The following PLA2R1 variants were observed in gnomAD, a reference collection of about 807,000 sequenced individuals.
PLA2R1 encodes the protein phospholipase A2 receptor 1.
PLA2R1 carries 158 observed loss-of-function variants against 195.9 expected under a neutral mutation model. The ratio of observed to expected loss-of-function variants is 0.81; its 90% CI spans 0.71 to 0.92. The LOEUF is 0.92. Ranked by LOEUF, PLA2R1 falls within the 40% of genes least tolerant of loss-of-function variation. The pLI is 0.00. For synonymous variants in PLA2R1, 586 were observed against 598.2 expected (o/e 0.98, Z 0.30); for missense variants, 1,626 against 1,764.6 (o/e 0.92, Z 1.41).
Position 160,028,035 on chromosome 2 carries a change from T to C in PLA2R1, c.1099+183A>G, listed in dbSNP as rs534106842. ...GTTTTTAGTATAAACCTAAATGCAT[T>C]TGTTAAAATCACAGTCCCTTTGACA... On this transcript the variant is annotated intron_variant, in intron 6 of 29. Transcript: ENST00000283243. Among the ~76,000 whole-genome samples the C allele has an allele frequency of 2.0e-4, 30 of 152,340 alleles. No homozygotes were observed. In the South Asian group the frequency reaches 6.2e-3, roughly 32 times the overall value.
intron 25 of PLA2R1, 74 bp from the exon 26 acceptor site, chr2:159,947,633 T>A: frequency 7.6e-7 from 1 of 1,321,952 alleles, no homozygotes; most frequent in South Asian, 1.3e-5. Flanking sequence ...TACATTACAT[T>A]CTATAAAAGA....
intron 1 of PLA2R1, among the ~76,000 whole-genome samples, chr2:160,057,005 C>G (rs1450396390): frequency 6.6e-6 from 1 of 152,160 alleles, no homozygotes; most frequent in Admixed American, 6.5e-5. Context: ...GAAGCAGCAT[C>G]CATCCCTGTG....
intron 20 of PLA2R1, among the ~76,000 whole-genome samples, chr2:159,964,855 C>T (rs1017977927): frequency 3.9e-5 from 6 of 152,058 alleles, no homozygotes; most frequent in African/African-American, 1.2e-4. Context: ...GATGAAACCC[C>T]GTTTCTACTA....
At chr2:160,004,881 G>A (rs1691867599) in intron 11 of PLA2R1, among the ~76,000 whole-genome samples, 4 of 152,200 alleles carry the variant, frequency 2.6e-5, no homozygotes, top group Admixed American at 2.6e-4. Context: ...GGATGAACTA[G>A]TAGAGCTGTT....
chr2:160,036,847 C>T (rs1694191844), intron 3 of PLA2R1, among the ~76,000 whole-genome samples: 1 of 152,218 alleles, frequency 6.6e-6, no homozygotes, highest in South Asian at 2.1e-4. Context: ...CACATCTGTG[C>T]TGATCCACTG....
intron 4 of PLA2R1, among the ~76,000 whole-genome samples, 170 bp downstream of exon 4, chr2:160,032,789 G>C (rs1693936992): frequency 6.6e-6 from 1 of 152,146 alleles, no homozygotes; most frequent in Admixed American, 6.5e-5. Context: ...ATGCCAAATG[G>C]AATCACTCAA....
intron 1 of PLA2R1, among the ~76,000 whole-genome samples, chr2:160,062,039 C>CG (rs1695992323): frequency 6.6e-6 from 1 of 152,074 alleles, no homozygotes; most frequent in African/African-American, 2.4e-5. Context: ...CCAAGCCCCC[C>CG]CGCCCCCGCC....
intron 9 of PLA2R1, among the ~76,000 whole-genome samples, chr2:160,014,512 T>C (rs1692604216): frequency 6.6e-6 from 1 of 152,172 alleles, no homozygotes; most frequent in African/African-American, 2.4e-5. Context: ...AGTTCTTTTT[T>C]CCCCAATATT....
chr2:159,925,969 G>C, the PLA2R1 span, among the ~76,000 whole-genome samples: 1 of 152,160 alleles, frequency 6.6e-6, no homozygotes, highest in Non-Finnish European at 1.5e-5. Context: ...TTTTGGTGGG[G>C]GGAGGAAGGA....
At position 160,034,198 on chromosome 2, in the gene PLA2R1, A is replaced by C. The variant is rs60178579; in HGVS notation, c.668-1066T>G. Reference sequence around the variant, plus strand: ...TTTGTTTGGTTTTTTTTCCTCCCTCATAACAGTTAGATGGTCCCCTTGGGA... The same window carrying C: ...TTTGTTTGGTTTTTTTTCCTCCCTCCTAACAGTTAGATGGTCCCCTTGGGA... On this transcript the variant is annotated intron_variant, in intron 3 of 29. Coordinates refer to ENST00000283243, the MANE Select transcript of PLA2R1 (RefSeq NM_007366.5). 4.3e-3 allele frequency among the ~76,000 whole-genome samples: 661 copies of C among 152,242 alleles called. 6 individuals are homozygous for C. The highest frequency in any genetic ancestry group is 0.015 in the African/African-American group (636 of 41,542).
chr2:160,001,921 A>G (rs1406286161), intron 11 of PLA2R1, among the ~76,000 whole-genome samples: 1 of 151,450 alleles, frequency 6.6e-6, no homozygotes, highest in African/African-American at 2.4e-5. Context: ...AAAAATATTG[A>G]GGCTATAGAT....
rs535205240 is a variant in PLA2R1, at chr2:159,947,068, C to T, written c.3851-151G>A. On this transcript the variant is annotated intron_variant, in intron 26 of 29. Transcript: ENST00000283243. ...GAGACTTTAAATTAAAAAAGTAAAACCACATTTTTTAAAAGATACAAGCTT... is the reference window on the plus strand; with the variant it reads ...GAGACTTTAAATTAAAAAAGTAAAATCACATTTTTTAAAAGATACAAGCTT... 10 of 599,502 alleles carry T rather than the reference C, an allele frequency of 1.7e-5. No homozygotes were observed. In the South Asian group the frequency reaches 2.4e-4, roughly 14 times the overall value. 37.1% of individuals were successfully genotyped at this position (599,502 alleles called of 1,614,324 possible).
chr2:160,003,613 T>C (rs145873659), intron 11 of PLA2R1, among the ~76,000 whole-genome samples: 155 of 152,290 alleles, frequency 1.0e-3, no homozygotes, highest in Admixed American at 3.3e-3. Flanking sequence ...TTCTATCAAA[T>C]TGGCAAAAAT....
chr2:159,956,512 T>G lies in PLA2R1; in HGVS notation c.3020A>C (p.Gln1007Pro), dbSNP rs1688095687. The G allele has an allele frequency of 2.6e-6, 4 of 1,568,472 alleles. No individual in the cohort carries two copies. The East Asian group carries it at 9.0e-5, about 35-fold the overall frequency. Reference protein sequence around the residue: ...TLVAIESEVEQAFITMNLFGQ... With the variant: ...TLVAIESEVEPAFITMNLFGQ... ...TGGTTGGATCTTGAGTACTCTACCT[T>G]GCTCCACCTCACTTTCAATGGCGAC... Residue 1007 changes from glutamine to proline, a missense_variant and splice_region_variant, in exon 21 of 30, where the codon CAA becomes CCA. Gln to Pro is a moderately conservative substitution (Grantham distance 76). Transcript: ENST00000283243.
chr2:159,954,049 G>A (rs143979985), intron 23 of PLA2R1, among the ~76,000 whole-genome samples: 1 of 152,162 alleles, frequency 6.6e-6, no homozygotes, highest in Non-Finnish European at 1.5e-5. Flanking sequence ...GCTCAGGCTG[G>A]TCTTGAACTC....
chr2:160,028,493 C>G (rs1013906084), intron 5 of PLA2R1, 132 bp from the exon 6 acceptor site: 3 of 697,596 alleles, frequency 4.3e-6, no homozygotes, highest in Admixed American at 6.3e-5. Flanking sequence ...AAGATGTTAT[C>G]TATGATTTTG....
chr2:159,951,223 A>G, intron 24 of PLA2R1, 117 bp downstream of exon 24: 1 of 669,066 alleles, frequency 1.5e-6, no homozygotes, highest in Non-Finnish European at 2.7e-6. Context: ...TAAGTGTTAT[A>G]TTTATTAATA....
At chr2:159,984,564 AC>A (rs1404146436) in intron 12 of PLA2R1, among the ~76,000 whole-genome samples, 1 of 152,164 alleles carries the variant, frequency 6.6e-6, no homozygotes, top group Non-Finnish European at 1.5e-5. Flanking sequence ...ACTCTGGCTG[AC>A]CCAGGGCAAG....
rs756690901 is a variant in PLA2R1 at position 160,042,166 on chromosome 2, TCCCGTGGGTGTTC to T, written c.513_525del (p.Asn172CysfsTer52). On this transcript the variant is annotated frameshift_variant, in exon 3 of 30. Coordinates refer to ENST00000283243, the MANE Select transcript of PLA2R1 (RefSeq NM_007366.5). LOFTEE classifies it high-confidence loss of function. ...TACTGGAAGGGAAACATACACGGCATCCCGTGGGTGTTCCCTTTGATTGTATGCAAATCTAGGA... is the reference window on the plus strand; with the variant it reads ...TACTGGAAGGGAAACATACACGGCATCCTTTGATTGTATGCAAATCTAGGA... The T allele has an allele frequency of 7.4e-6, 12 of 1,613,914 alleles. No individual in the cohort carries two copies. The South Asian group carries it at 9.9e-5, about 13-fold the overall frequency.
Sources: gnomAD v4.1 joint callset for allele counts (sites outside exome capture counted in the v4.1 genomes callset) on GRCh38, gnomAD v4.1.1 for gene constraint, MANE v1.5 for transcripts, NCBI Gene and HGNC (gene_info 2026-07-23, HGNC 2026-07-21) for gene names.